CHST8: variants seen among roughly 807,000 people sequenced by gnomAD.
The protein encoded by CHST8 is carbohydrate sulfotransferase 8.
A neutral mutation model predicts 15.0 loss-of-function variants in CHST8; 10 were observed. That is an observed-to-expected ratio of 0.67 (90% CI 0.41 to 1.13). The LOEUF (loss-of-function observed/expected upper bound fraction) is 1.13. CHST8 is among the 50% of genes most tolerant of loss of function. The probability of loss-of-function intolerance (pLI) is 0.00; values close to 1 mark genes in which losing one functional copy is unlikely to be tolerated. For missense variants in CHST8, 634 were observed against 608.2 expected, an observed-to-expected ratio of 1.04 and a Z score of -0.45; for synonymous variants, 259 against 256.6, an observed-to-expected ratio of 1.01 and a Z score of -0.09.
chr19:33,768,117 G>A (rs1036594508), intron 3 of CHST8, among the ~76,000 whole-genome samples: 4 of 152,166 alleles, frequency 2.6e-5, no homozygotes, highest in Non-Finnish European at 5.9e-5. Flanking sequence ...GGATACCTAA[G>A]GTTTCTCCTG....
intron 3 of CHST8, among the ~76,000 whole-genome samples, chr19:33,770,660 G>T (rs886930714): frequency 2.0e-5 from 3 of 152,222 alleles, no homozygotes; most frequent in Non-Finnish European, 4.4e-5. Context: ...CAGAGGGGGC[G>T]TTCCAGAGCA....
chr19:33,624,231 A>G (rs920658911), intron 1 of CHST8, among the ~76,000 whole-genome samples: 13 of 152,266 alleles, frequency 8.5e-5, no homozygotes, highest in African/African-American at 2.9e-4. Flanking sequence ...GGCATCCATC[A>G]GGCAGCGTGG....
intron 2 of CHST8, among the ~76,000 whole-genome samples, chr19:33,683,642 C>T (rs1972927630): frequency 1.3e-5 from 2 of 152,144 alleles, no homozygotes; most frequent in Admixed American, 1.3e-4. Context: ...CCAGATGGCC[C>T]CAAACACTTC....
At position 33,772,324 on chromosome 19, in the gene CHST8, G is replaced by T; in HGVS notation, c.536G>T (p.Arg179Leu). The T allele has an allele frequency of 6.2e-7, 1 of 1,605,258 alleles. No homozygotes were observed. The highest frequency in any genetic ancestry group is 8.5e-7 in the Non-Finnish European group (1 of 1,179,240). Residue 179 changes from arginine to leucine, a missense_variant, in exon 5 of 5, where the codon CGC (arginine) becomes CTC (leucine). Physicochemically the swap from Arg to Leu is moderately radical, Grantham distance 102. Coordinates refer to ENST00000650847, the MANE Select transcript of CHST8 (RefSeq NM_001127895.2). Reference protein sequence around the residue: ...ASSSRRAVTPRHVSRIFVEDR... With the variant: ...ASSSRRAVTPLHVSRIFVEDR... ...AGCAGCCGCCGGGCCGTCACGCCCC[G>T]CCACGTGTCCCGTATCTTCGTGGAG...
chr19:33,680,594 A>G (rs1972873660), intron 2 of CHST8, among the ~76,000 whole-genome samples: 1 of 152,248 alleles, frequency 6.6e-6, no homozygotes, highest in Non-Finnish European at 1.5e-5. Context: ...AGAGCTGGAA[A>G]TATGTTGAAA....
chr19:33,629,104 G>T (rs1378155235), intron 1 of CHST8, among the ~76,000 whole-genome samples: 1 of 152,168 alleles, frequency 6.6e-6, no homozygotes, highest in African/African-American at 2.4e-5. Flanking sequence ...GGGACAAGCT[G>T]CTCGACGGCC....
At chr19:33,666,572 G>A (rs1972664129) in intron 1 of CHST8, among the ~76,000 whole-genome samples, 1 of 152,236 alleles carries the variant, frequency 6.6e-6, no homozygotes, top group Non-Finnish European at 1.5e-5. Context: ...TCAGGGAAGA[G>A]GGTGCCGGGA....
intron 3 of CHST8, among the ~76,000 whole-genome samples, chr19:33,741,770 G>A (rs1974198618): frequency 6.6e-6 from 1 of 151,752 alleles, no homozygotes; most frequent in East Asian, 1.9e-4. Context: ...TATTGCCTTT[G>A]ATTTAATGTC....
chr19:33,700,043 C>T (rs764913863), intron 3 of CHST8, among the ~76,000 whole-genome samples: 3 of 152,206 alleles, frequency 2.0e-5, no homozygotes, highest in Non-Finnish European at 4.4e-5. Flanking sequence ...AATATGTCTA[C>T]TGGCCCTCTC....
intron 1 of CHST8, among the ~76,000 whole-genome samples, chr19:33,644,058 G>A (rs913363713): frequency 1.3e-5 from 2 of 151,926 alleles, no homozygotes; most frequent in Non-Finnish European, 2.9e-5. Flanking sequence ...TCAGCTTCCC[G>A]AGTAGCTGGG....
intron 3 of CHST8, among the ~76,000 whole-genome samples, chr19:33,699,583 G>A (rs564027526): frequency 2.6e-5 from 4 of 152,218 alleles, no homozygotes; most frequent in Non-Finnish European, 4.4e-5. Flanking sequence ...GTCTCCCTCC[G>A]CAGCACGTGC....
chr19:33,771,348 A>C, intron 3 of CHST8, 65 bp from the exon 4 acceptor site: 1 of 1,517,194 alleles, frequency 6.6e-7, no homozygotes, highest in Non-Finnish European at 9.2e-7. Context: ...GCAGCCCATA[A>C]GCAGTTCCCT....
At chr19:33,742,090 G>C (rs1974205566) in intron 3 of CHST8, among the ~76,000 whole-genome samples, 1 of 152,184 alleles carries the variant, frequency 6.6e-6, no homozygotes, top group African/African-American at 2.4e-5. Context: ...ATGTCTGAGT[G>C]TTCTCCTTCC....
intron 1 of CHST8, among the ~76,000 whole-genome samples, chr19:33,622,711 C>T (rs1016173319): frequency 6.6e-6 from 1 of 152,082 alleles, no homozygotes; most frequent in African/African-American, 2.4e-5. Flanking sequence ...CTTCCTGGCG[C>T]GCTCGGAGCC....
chr19:33,710,895 G>A (rs58694715), intron 3 of CHST8, among the ~76,000 whole-genome samples: 3,980 of 149,184 alleles, frequency 0.027, 127 homozygotes, highest in African/African-American at 0.075. Context: ...TTTTTAAGGG[G>A]TAGGGTCTCA....
chr19:33,765,557 G>GTGTGTGTGTC (rs1467364267), intron 3 of CHST8, among the ~76,000 whole-genome samples: 74 of 72,564 alleles, frequency 1.0e-3, no homozygotes, highest in African/African-American at 3.5e-3. Context: ...GTGTGTGTCA[G>GTGTGTGTGTC]AGAGAGAGAG....
intron 1 of CHST8, among the ~76,000 whole-genome samples, chr19:33,654,862 G>A (rs982922786): frequency 2.0e-5 from 3 of 152,104 alleles, no homozygotes; most frequent in African/African-American, 7.2e-5. Context: ...TGTAGGGTCT[G>A]CCATCTGTGT....
At chr19:33,665,250 T>A (rs1469674193) in intron 1 of CHST8, among the ~76,000 whole-genome samples, 3 of 152,224 alleles carry the variant, frequency 2.0e-5, no homozygotes, top group Admixed American at 6.5e-5. Context: ...CTTACTAGCA[T>A]CTGTTATGCC....
At chr19:33,717,812 A>G (rs1260440647) in intron 3 of CHST8, among the ~76,000 whole-genome samples, 2 of 152,034 alleles carry the variant, frequency 1.3e-5, no homozygotes, top group Non-Finnish European at 2.9e-5. Context: ...GTCATATGAA[A>G]CTACTGCCTG....
Sources: gnomAD v4.1 joint callset for allele counts (sites outside exome capture counted in the v4.1 genomes callset) on GRCh38, gnomAD v4.1.1 for gene constraint, MANE v1.5 for transcripts, NCBI Gene and HGNC (gene_info 2026-07-23, HGNC 2026-07-21) for gene names.